UNC13C: variants seen among roughly 807,000 people sequenced by gnomAD.
UNC13C encodes unc-13 homolog C.
Under a neutral mutation model 245.4 loss-of-function variants are expected in UNC13C, and 174 were observed. That is an observed-to-expected ratio of 0.71 (90% confidence interval 0.63 to 0.80). The LOEUF (loss-of-function observed/expected upper bound fraction) is 0.80, where lower values mean the gene tolerates loss of function less well. Ranked by LOEUF, UNC13C falls within the 30% of genes least tolerant of loss-of-function variation. The pLI, the probability that UNC13C is intolerant of heterozygous loss-of-function variation, is 0.00. For synonymous variants in UNC13C, 992 were observed against 895.1 expected (o/e 1.11, Z -1.93); for missense variants, 2,829 against 2,602.9 (o/e 1.09, Z -1.89).
intron 30 of UNC13C, among the ~76,000 whole-genome samples, chr15:54,570,827 C>T (rs1429322292): frequency 6.6e-6 from 1 of 152,184 alleles, no homozygotes; most frequent in Non-Finnish European, 1.5e-5. Context: ...CTTATGACTT[C>T]CAAATTCTTC....
intron 15 of UNC13C, among the ~76,000 whole-genome samples, chr15:54,332,343 G>T (rs1380205571): frequency 1.4e-5 from 2 of 143,050 alleles, no homozygotes; most frequent in African/African-American, 5.0e-5. Flanking sequence ...GTGTGTTTGT[G>T]TATGCACTTG....
chr15:54,454,583 C>A (rs115144483), intron 19 of UNC13C, among the ~76,000 whole-genome samples: 1,571 of 46,172 alleles, frequency 0.034, 14 homozygotes, highest in African/African-American at 0.074. Flanking sequence ...AAAAAAAAAA[C>A]AACAATAACT....
chr15:54,228,562 C>G (rs142366723), intron 4 of UNC13C, among the ~76,000 whole-genome samples: 212 of 152,256 alleles, frequency 1.4e-3, no homozygotes, highest in African/African-American at 5.0e-3. Context: ...GTATTTTAGT[C>G]AGCAGGTAAT....
At chr15:53,942,941 G>A in the UNC13C span, among the ~76,000 whole-genome samples, 1 of 152,214 alleles carries the variant, frequency 6.6e-6, no homozygotes. Context: ...GGGATTGCAG[G>A]CGTGAGCCAT....
chr15:54,432,075 A>G (rs2040884026), intron 19 of UNC13C, among the ~76,000 whole-genome samples: 1 of 151,600 alleles, frequency 6.6e-6, no homozygotes, highest in Non-Finnish European at 1.5e-5. Flanking sequence ...TACATTTCTA[A>G]CAACCACAAA....
At chr15:53,855,009 A>T in the UNC13C span, among the ~76,000 whole-genome samples, 2 of 152,118 alleles carry the variant, frequency 1.3e-5, no homozygotes, top group Non-Finnish European at 2.9e-5. Flanking sequence ...GAGTTCCTTC[A>T]CATCCCTTAT....
chr15:54,270,506 T>C lies in UNC13C; in HGVS notation c.3818+5010T>C, dbSNP rs117841952. On this transcript the variant is annotated intron_variant, in intron 10 of 32. Coordinates refer to ENST00000260323, the MANE Select transcript of UNC13C (RefSeq NM_001080534.3). ...TGAATTTCATAGAACTTGTTAAGTG[T>C]TAAAAATGATAGCTGTATTATTATT... Among the ~76,000 whole-genome samples, 923 of 152,298 alleles carry C rather than the reference T, an allele frequency of 6.1e-3. 7 individuals carry two copies. Among genetic ancestry groups the C allele is most frequent in the Non-Finnish European group, 0.01 (712 of 68,020 alleles).
the UNC13C span, among the ~76,000 whole-genome samples, chr15:53,906,562 C>T: frequency 1.3e-5 from 2 of 152,192 alleles, no homozygotes; most frequent in Non-Finnish European, 2.9e-5. Context: ...AACTGTCAGT[C>T]AGGATGTCCC....
At chr15:53,972,523 T>A in the UNC13C span, 1 of 152,344 alleles carries the variant, frequency 6.6e-6, no homozygotes, top group Admixed American at 6.5e-5. Context: ...GGTGGAAAGG[T>A]CTTTCAGTAT....
At chr15:54,032,118 G>T (rs1461583306) in intron 2 of UNC13C, among the ~76,000 whole-genome samples, 1 of 152,202 alleles carries the variant, frequency 6.6e-6, no homozygotes, top group Non-Finnish European at 1.5e-5. Flanking sequence ...GTACTTTGCA[G>T]TTCAGGGTCA....
intron 30 of UNC13C, among the ~76,000 whole-genome samples, chr15:54,588,002 T>C (rs1240933801): frequency 6.6e-6 from 1 of 152,208 alleles, no homozygotes; most frequent in Non-Finnish European, 1.5e-5. Flanking sequence ...TGAATCATTT[T>C]AGTCTCAGGA....
intron 19 of UNC13C, among the ~76,000 whole-genome samples, chr15:54,426,773 C>T (rs987182354): frequency 2.6e-5 from 4 of 151,780 alleles, no homozygotes; most frequent in Admixed American, 2.6e-4. Flanking sequence ...CGCCATGCAA[C>T]ACTGAGCAAT....
At chr15:54,247,347 T>C (rs2036019401) in intron 7 of UNC13C, among the ~76,000 whole-genome samples, 1 of 152,186 alleles carries the variant, frequency 6.6e-6, no homozygotes, top group South Asian at 2.1e-4. Flanking sequence ...TCTTATTTCA[T>C]CTTGCCTGAT....
intron 15 of UNC13C, among the ~76,000 whole-genome samples, 187 bp downstream of exon 15, chr15:54,332,298 CA>C (rs1019124165): frequency 2.3e-4 from 29 of 128,808 alleles, no homozygotes; most frequent in African/African-American, 9.0e-4. Flanking sequence ...TAGACTACAA[CA>C]ATACTCTGTG....
At chr15:54,264,742 C>T (rs1217719040) in intron 9 of UNC13C, among the ~76,000 whole-genome samples, 2 of 151,492 alleles carry the variant, frequency 1.3e-5, no homozygotes, top group Non-Finnish European at 2.9e-5. Context: ...ATGAGAAAAG[C>T]GATGTTATTT....
At chr15:53,924,380 T>C in the UNC13C span, among the ~76,000 whole-genome samples, 1 of 152,142 alleles carries the variant, frequency 6.6e-6, no homozygotes, top group Non-Finnish European at 1.5e-5. Flanking sequence ...AAGGGAGGAA[T>C]GATGCTTTCC....
At chr15:54,003,753 C>T (rs986797428) in intron 1 of UNC13C, among the ~76,000 whole-genome samples, 8 of 152,146 alleles carry the variant, frequency 5.3e-5, no homozygotes, top group Non-Finnish European at 8.8e-5. Context: ...TGGCTTAAGC[C>T]TGTAATCCCA....
intron 19 of UNC13C, among the ~76,000 whole-genome samples, chr15:54,430,780 T>C (rs955284333): frequency 1.1e-4 from 17 of 151,866 alleles, no homozygotes; most frequent in African/African-American, 3.6e-4. Context: ...TAGAATGAGC[T>C]TTCTGGGAAA....
At chr15:54,229,003 G>C (rs559968549) in intron 4 of UNC13C, among the ~76,000 whole-genome samples, 1 of 152,260 alleles carries the variant, frequency 6.6e-6, no homozygotes, top group African/African-American at 2.4e-5. Context: ...GGTGAGGCTT[G>C]TCAGAACTCA....
Sources: allele counts gnomAD v4.1 joint callset (sites outside exome capture counted in the v4.1 genomes callset), GRCh38; gene constraint gnomAD v4.1.1; transcripts MANE v1.5; gene names NCBI Gene and HGNC (gene_info 2026-07-23, HGNC 2026-07-21).